The following NELL1 variants were observed in gnomAD, a reference collection of about 807,000 sequenced individuals.
The protein encoded by NELL1 is neural EGFL like 1, also known as protein kinase C-binding protein NELL1.
NELL1 carries 76 observed loss-of-function variants against 107.4 expected under a neutral mutation model. The observed-to-expected ratio is 0.71, with a 90% CI of 0.59 to 0.86. The LOEUF (loss-of-function observed/expected upper bound fraction) is 0.86, where lower values mean the gene tolerates loss of function less well. Ranked by LOEUF, NELL1 falls within the 40% of genes least tolerant of loss-of-function variation. NELL1 has a pLI of 0.00. For missense variants in NELL1, 1,024 were observed against 1,005.5 expected (o/e 1.02, Z -0.25); for synonymous variants, 353 against 341.2 (o/e 1.03, Z -0.38).
chr11:21,487,230 G>C (rs2133909081), intron 15 of NELL1, among the ~76,000 whole-genome samples: 1 of 152,294 alleles, frequency 6.6e-6, no homozygotes, highest in South Asian at 2.1e-4. Context: ...AAAGCATCTA[G>C]TCACCTATAG....
chr11:21,069,595 T>C (rs1853962374), intron 12 of NELL1, among the ~76,000 whole-genome samples: 2 of 152,238 alleles, frequency 1.3e-5, no homozygotes, highest in Non-Finnish European at 2.9e-5. Flanking sequence ...TGACCTGATG[T>C]CATCTAATTA....
intron 12 of NELL1, among the ~76,000 whole-genome samples, chr11:21,090,936 G>A (rs1854506416): frequency 6.6e-6 from 1 of 152,220 alleles, no homozygotes; most frequent in South Asian, 2.1e-4. Flanking sequence ...GCTCTGCCAT[G>A]TGCTAAGCAT....
At chr11:21,570,003 C>T (rs1397958161) in intron 17 of NELL1, among the ~76,000 whole-genome samples, 1 of 151,766 alleles carries the variant, frequency 6.6e-6, no homozygotes, top group African/African-American at 2.4e-5. Flanking sequence ...CTGTAAGCAA[C>T]AGACATAAAA....
At chr11:21,536,440 C>A (rs1049564211) in intron 16 of NELL1, among the ~76,000 whole-genome samples, 1 of 152,134 alleles carries the variant, frequency 6.6e-6, no homozygotes, top group African/African-American at 2.4e-5. Flanking sequence ...ATATGAATTT[C>A]ATTTTCCTAA....
intron 15 of NELL1, among the ~76,000 whole-genome samples, chr11:21,525,603 C>T (rs1440440134): frequency 6.6e-6 from 1 of 152,128 alleles, no homozygotes; most frequent in Non-Finnish European, 1.5e-5. Flanking sequence ...TCTTCTCATG[C>T]TGCTAATAAA....
At chr11:21,341,255 T>TG (rs996722413) in intron 14 of NELL1, among the ~76,000 whole-genome samples, 33 of 152,190 alleles carry the variant, frequency 2.2e-4, no homozygotes, top group African/African-American at 7.5e-4. Context: ...ATCTACATTG[T>TG]GATAGAGTTC....
rs554207332 is a variant in NELL1 at position 21,533,658 on chromosome 11, C to CA, written c.1646-709dup. Among the ~76,000 whole-genome samples, 138 of 151,814 alleles carry CA rather than the reference C, an allele frequency of 9.1e-4. 1 individual carries two copies. Among genetic ancestry groups the CA allele is most frequent in the South Asian group, 7.3e-3 (35 of 4,808 alleles). On this transcript the variant is annotated intron_variant, in intron 15 of 19. Coordinates refer to ENST00000357134, the MANE Select transcript of NELL1 (RefSeq NM_006157.5). ...GCCTAGACAAAAACAAACAAATAAA[C>CA]AAAAAAAGCCTAGGAGACTTCCTTT...
At chr11:21,241,324 G>C (rs542220239) in intron 14 of NELL1, among the ~76,000 whole-genome samples, 119 of 152,206 alleles carry the variant, frequency 7.8e-4, no homozygotes, top group Admixed American at 3.5e-3. Flanking sequence ...AGCTCTAGTT[G>C]ATATGTCCAC....
intron 15 of NELL1, among the ~76,000 whole-genome samples, chr11:21,387,812 T>C (rs1372694645): frequency 6.6e-6 from 1 of 151,870 alleles, no homozygotes; most frequent in Admixed American, 6.6e-5. Flanking sequence ...CTTAGGTTAA[T>C]ACACTCTTCC....
rs1407604115 is a variant in NELL1, at chr11:21,044,395, TA to T, written c.1301-69192del. Among the ~76,000 whole-genome samples the T allele has an allele frequency of 9.2e-5, 14 of 152,208 alleles. No individual in the cohort carries two copies. The East Asian group carries it at 2.5e-3, about 27-fold the overall frequency. Reference sequence around the variant, plus strand: ...CCAGAAAGGAAGAGTGAATTAAAAGTAAGAATGTGGAGAAAGCATGTTAAGC... The same window carrying T: ...CCAGAAAGGAAGAGTGAATTAAAAGTAGAATGTGGAGAAAGCATGTTAAGC... On this transcript the variant is annotated intron_variant, in intron 12 of 19. Transcript: ENST00000357134.
chr11:20,855,638 C>A (rs1481773519), intron 4 of NELL1, among the ~76,000 whole-genome samples: 1 of 152,048 alleles, frequency 6.6e-6, no homozygotes, highest in Non-Finnish European at 1.5e-5. Context: ...AATATTGATG[C>A]TTGCATCTTA....
At chr11:21,364,059 A>T (rs542314537) in intron 14 of NELL1, among the ~76,000 whole-genome samples, 1 of 152,300 alleles carries the variant, frequency 6.6e-6, no homozygotes, top group South Asian at 2.1e-4. Flanking sequence ...ACATTTTCTT[A>T]TATAAATATT....
At chr11:20,824,817 C>T (rs1449576538) in intron 3 of NELL1, among the ~76,000 whole-genome samples, 2 of 151,264 alleles carry the variant, frequency 1.3e-5, no homozygotes, top group Non-Finnish European at 3.0e-5. Context: ...GGAAGCAGAA[C>T]ATAAAAGTTT....
In NELL1 at chr11:21,341,596, T is replaced by A. The variant is rs371373308; in HGVS notation, c.1550-29257T>A. Among the ~76,000 whole-genome samples, 279 of 152,268 alleles carry A rather than the reference T, an allele frequency of 1.8e-3. 10 individuals are homozygous for A. In the South Asian group the frequency reaches 0.055, roughly 30 times the overall value. On this transcript the variant is annotated intron_variant, in intron 14 of 19. Coordinates refer to ENST00000357134, the MANE Select transcript of NELL1 (RefSeq NM_006157.5). Reference sequence around the variant, plus strand: ...ATACTGGAGGGTAAAGAAGGATAATTTCTCCAGCTAAGAGCGCATGGCCAG... The same window carrying A: ...ATACTGGAGGGTAAAGAAGGATAATATCTCCAGCTAAGAGCGCATGGCCAG...
chr11:21,205,172 A>G (rs750067346), intron 13 of NELL1, among the ~76,000 whole-genome samples: 3 of 152,182 alleles, frequency 2.0e-5, no homozygotes, highest in Non-Finnish European at 2.9e-5. Context: ...TTCAGCAGCC[A>G]TCAGGCAGGC....
intron 3 of NELL1, among the ~76,000 whole-genome samples, chr11:20,802,192 AAT>A (rs1226266075): frequency 1.3e-4 from 20 of 152,066 alleles, no homozygotes; most frequent in African/African-American, 4.8e-4. Flanking sequence ...ACATTTTAAC[AAT>A]ATTAATTCTT....
intron 14 of NELL1, among the ~76,000 whole-genome samples, chr11:21,308,670 T>C (rs1365688867): frequency 1.3e-5 from 2 of 152,126 alleles, no homozygotes; most frequent in East Asian, 1.9e-4. Context: ...CTTCTCTCCC[T>C]CCTCCCCCAA....
At chr11:20,800,078 C>T (rs181112771) in intron 3 of NELL1, among the ~76,000 whole-genome samples, 11 of 152,242 alleles carry the variant, frequency 7.2e-5, no homozygotes, top group African/African-American at 1.9e-4. Flanking sequence ...ATGGTGTATA[C>T]GTACTAGATT....
At chr11:20,782,483 A>G (rs1856870701) in intron 2 of NELL1, among the ~76,000 whole-genome samples, 1 of 152,192 alleles carries the variant, frequency 6.6e-6, no homozygotes, top group African/African-American at 2.4e-5. Context: ...CTAAGAGATC[A>G]CCTAGTCTAC....
Sources: gnomAD v4.1 joint callset for allele counts (sites outside exome capture counted in the v4.1 genomes callset) on GRCh38, gnomAD v4.1.1 for gene constraint, MANE v1.5 for transcripts, NCBI Gene and HGNC (gene_info 2026-07-23, HGNC 2026-07-21) for gene names.